CHORDC1: variants seen among roughly 807,000 people sequenced by gnomAD.
CHORDC1 encodes cysteine and histidine-rich domain-containing protein 1.
In CHORDC1, 25 loss-of-function variants were observed where a neutral mutation model predicts 48.3. The ratio of observed to expected loss-of-function variants is 0.52; its 90% CI spans 0.38 to 0.72. CHORDC1 has a LOEUF of 0.72. CHORDC1 is among the 30% of genes least tolerant of loss of function. The pLI, the probability that CHORDC1 is intolerant of heterozygous loss-of-function variation, is 0.00. For missense variants in CHORDC1, 317 were observed against 388.7 expected, an observed-to-expected ratio of 0.82 and a Z score of 1.55; for synonymous variants, 128 against 126.4, an observed-to-expected ratio of 1.01 and a Z score of -0.09.
chr11:90,219,512 G>A (rs940803115), intron 1 of CHORDC1, among the ~76,000 whole-genome samples: 1 of 152,180 alleles, frequency 6.6e-6, no homozygotes, highest in Admixed American at 6.5e-5. Context: ...CAGGCTAGAA[G>A]GTTGTGAGTC....
At chr11:90,205,953 A>G in intron 7 of CHORDC1, 1 of 501,312 alleles carries the variant, frequency 2.0e-6, no homozygotes, top group Non-Finnish European at 3.6e-6. Flanking sequence ...TTTTAAATAC[A>G]GAATATGAAG....
At chr11:90,203,248 G>A in intron 9 of CHORDC1, 60 bp downstream of exon 9, 2 of 1,420,182 alleles carry the variant, frequency 1.4e-6, no homozygotes, top group Admixed American at 1.8e-5. Flanking sequence ...TTAAAATACA[G>A]TAACATAAAG....
chr11:90,203,691 AC>A (rs34909614), intron 8 of CHORDC1, among the ~76,000 whole-genome samples: 21,019 of 152,112 alleles, frequency 0.14, 1,820 homozygotes, highest in Middle Eastern at 0.22. Context: ...ATATTGATAC[AC>A]AGCTAAAAAG....
At chr11:90,206,813 A>T (rs1258384045) in intron 6 of CHORDC1, 1 of 1,279,982 alleles carries the variant, frequency 7.8e-7, no homozygotes, top group South Asian at 1.2e-5. Flanking sequence ...TGGAGGCTCT[A>T]CAGATGAATT....
chr11:90,209,255 T>C (rs1246602435), intron 6 of CHORDC1: 1 of 152,174 alleles, frequency 6.6e-6, no homozygotes, highest in African/African-American at 2.4e-5. Flanking sequence ...ATTTTCACCT[T>C]GTTGGTTAAT....
At chr11:90,213,892 A>C (rs1591056915) in intron 4 of CHORDC1, 126 bp downstream of exon 4, 15 of 774,712 alleles carry the variant, frequency 1.9e-5, no homozygotes, top group Non-Finnish European at 2.9e-5. Flanking sequence ...GAGAAACCAA[A>C]TGGTTCAAAG....
At chr11:90,212,190 C>G (rs10765276) in intron 4 of CHORDC1, 2 of 151,948 alleles carry the variant, frequency 1.3e-5, no homozygotes, top group Admixed American at 6.6e-5. Flanking sequence ...TCTAGCTCCC[C>G]TAATCTCCAC....
In CHORDC1 at chr11:90,201,126, C is replaced by T. The variant is rs540049400; in HGVS notation, c.*1279G>A. ...TAGAATGATACATATGTTTTATTCA[C>T]GAAAATAGTACTTCTGCAAATTTTT... is the stretch of plus-strand genomic sequence containing the variant. On this transcript the variant is annotated 3_prime_UTR_variant, in exon 11 of 11. Transcript: ENST00000320585. The T allele has an allele frequency of 1.7e-4, 26 of 151,860 alleles. No individual in the cohort carries two copies. The highest frequency in any genetic ancestry group is 2.7e-4 in the Non-Finnish European group (18 of 67,858). 9.4% of individuals were successfully genotyped at this position (151,860 alleles called of 1,614,324 possible).
chr11:90,219,110 A>C (rs1174104670), intron 1 of CHORDC1, among the ~76,000 whole-genome samples: 1 of 152,094 alleles, frequency 6.6e-6, no homozygotes, highest in African/African-American at 2.4e-5. Flanking sequence ...TACTAAAAAT[A>C]CAAAAATTAG....
At chr11:90,205,334 T>A in intron 8 of CHORDC1, 126 bp downstream of exon 8, 1 of 667,296 alleles carries the variant, frequency 1.5e-6, no homozygotes, top group Non-Finnish European at 2.6e-6. Flanking sequence ...CGTAGTCACA[T>A]CAAAGCTCTA....
At chr11:90,210,668 G>C in intron 5 of CHORDC1, 74 bp from the exon 6 acceptor site, 1 of 930,414 alleles carries the variant, frequency 1.1e-6, no homozygotes, top group South Asian at 1.5e-5. Context: ...TTAAAAACTA[G>C]GTTTTTCCAG....
chr11:90,210,568 C>CATGT lies in CHORDC1; in HGVS notation c.459_460insACAT (p.Gly154ThrfsTer6). The stretch of plus-strand genomic sequence containing the variant: ...CACCCTCCATTCTTACATGAGGTCC[C>CATGT]AATCTTAATTTCATCATTGTCTTCT... On this transcript the variant is annotated frameshift_variant, in exon 6 of 11. Coordinates refer to ENST00000320585, the MANE Select transcript of CHORDC1 (RefSeq NM_012124.3). LOFTEE classifies it high-confidence loss of function. The CATGT allele has an allele frequency of 6.3e-7, 1 of 1,589,438 alleles. No homozygotes were observed.
rs1460420080 is a variant in CHORDC1 at position 90,220,674 on chromosome 11, A to T, written c.64+2217T>A. Among the ~76,000 whole-genome samples, 5 of 152,320 alleles carry T rather than the reference A, an allele frequency of 3.3e-5. No homozygotes were observed. The East Asian group carries it at 9.6e-4, about 29-fold the overall frequency. ...AAAACAAGAAGTAACAAGCAAATGG[A>T]CATTCTTCATTCTTTCTTTAATATC... On this transcript the variant is annotated intron_variant, in intron 1 of 10. Coordinates refer to ENST00000320585, the MANE Select transcript of CHORDC1 (RefSeq NM_012124.3).
At chr11:90,222,342 A>G (rs931486739) in intron 1 of CHORDC1, among the ~76,000 whole-genome samples, 1 of 152,268 alleles carries the variant, frequency 6.6e-6, no homozygotes, top group African/African-American at 2.4e-5. Context: ...GTGAAGATAC[A>G]GAGTAATGTC....
chr11:90,220,677 T>G (rs1339286881), intron 1 of CHORDC1, among the ~76,000 whole-genome samples: 1 of 152,160 alleles, frequency 6.6e-6, no homozygotes, highest in African/African-American at 2.4e-5. Context: ...CAAATGGACA[T>G]TCTTCATTCT....
chr11:90,209,881 G>A (rs1857811858), intron 6 of CHORDC1, among the ~76,000 whole-genome samples: 1 of 152,130 alleles, frequency 6.6e-6, no homozygotes, highest in Non-Finnish European at 1.5e-5. Context: ...CCTAAAGCAA[G>A]TAATAGCTTC....
rs1367278931 is a variant in CHORDC1 at position 90,202,213 on chromosome 11, T to G, written c.*192A>C. ...AGTAGGGAGAAATGAATAATCAATC[T>G]TACATAACACAAAAGAAAGATGAGA... On this transcript the variant is annotated 3_prime_UTR_variant, in exon 11 of 11. Transcript: ENST00000320585. 1 of 582,366 alleles carries G rather than the reference T, an allele frequency of 1.7e-6. No individual in the cohort carries two copies. Among genetic ancestry groups the G allele is most frequent in the Non-Finnish European group, 3.0e-6 (1 of 329,428 alleles). The allele number at this position is 582,366 out of a possible 1,614,324, so 36.1% of individuals were successfully genotyped here. A position where few individuals can be genotyped will look rare whatever the true frequency, so the allele number is the denominator to read the frequency against.
intron 6 of CHORDC1, chr11:90,207,787 A>AAAAAAACC (rs1857743056): frequency 6.8e-6 from 1 of 146,154 alleles, no homozygotes; most frequent in Non-Finnish European, 1.5e-5. Context: ...AACAAAAAAA[A>AAAAAAACC]CTCGTATAAC....
chr11:90,218,217 A>G (rs957616323), intron 1 of CHORDC1, 33 bp from the exon 2 acceptor site: 4 of 1,507,250 alleles, frequency 2.7e-6, no homozygotes, highest in Non-Finnish European at 3.6e-6. Flanking sequence ...AAAAAGTACC[A>G]CTCTTTATAA....
Sources: gnomAD v4.1 joint callset for allele counts (sites outside exome capture counted in the v4.1 genomes callset) on GRCh38, gnomAD v4.1.1 for gene constraint, MANE v1.5 for transcripts, NCBI Gene and HGNC (gene_info 2026-07-23, HGNC 2026-07-21) for gene names.